DCAF1: variants seen among roughly 807,000 people sequenced by gnomAD.
DCAF1 encodes DDB1- and CUL4-associated factor 1.
DCAF1 carries 15 observed loss-of-function variants against 128.0 expected under a neutral mutation model. The observed-to-expected ratio is 0.12, with a 90% CI of 0.08 to 0.18. The LOEUF is 0.18. Ranked by LOEUF, DCAF1 falls within the 10% of genes least tolerant of loss-of-function variation. The pLI, the probability that DCAF1 is intolerant of heterozygous loss-of-function variation, is 1.00. For synonymous variants in DCAF1, 610 were observed against 603.0 expected (o/e 1.01, Z -0.17); for missense variants, 988 against 1,649.5 (o/e 0.60, Z 6.95).
chr3:51,400,913 A>G (rs964570524), intron 24 of DCAF1, among the ~76,000 whole-genome samples: 12 of 152,074 alleles, frequency 7.9e-5, no homozygotes, highest in Admixed American at 2.0e-4. Context: ...CAGGCGGATC[A>G]CGACGTCAGG....
chr3:51,439,877 C>T lies in DCAF1; in HGVS notation c.1128+1093G>A, dbSNP rs781830016. On this transcript the variant is annotated intron_variant, in intron 9 of 24. Transcript: ENST00000684031. Reference sequence around the variant, plus strand: ...GCATGGTGGCAGGCACCTGTAATCCCAGCTACTCAGGAGGCTGAGGCAGGA... The same window carrying T: ...GCATGGTGGCAGGCACCTGTAATCCTAGCTACTCAGGAGGCTGAGGCAGGA... Among the ~76,000 whole-genome samples the T allele has an allele frequency of 2.6e-5, 4 of 151,972 alleles. No homozygotes were observed. The East Asian group carries it at 5.8e-4, about 22-fold the overall frequency.
intron 10 of DCAF1, among the ~76,000 whole-genome samples, chr3:51,432,029 T>C (rs1221560833): frequency 6.6e-6 from 1 of 150,378 alleles, no homozygotes; most frequent in Non-Finnish European, 1.5e-5. Flanking sequence ...TCCCAGCACT[T>C]TGGGAGGCCA....
At chr3:51,471,043 C>A in intron 3 of DCAF1, 38 bp from the exon 4 acceptor site, 1 of 1,475,134 alleles carries the variant, frequency 6.8e-7, no homozygotes, top group Non-Finnish European at 9.3e-7. Flanking sequence ...TCTGGACAAG[C>A]ATAAAAAAAT....
chr3:51,490,429 TCAA>T (rs1553657453), intron 2 of DCAF1, among the ~76,000 whole-genome samples: 1 of 152,024 alleles, frequency 6.6e-6, no homozygotes. Context: ...GGACCCTGTC[TCAA>T]CAACAACAAA....
chr3:51,413,890 C>T, intron 20 of DCAF1, 60 bp downstream of exon 20: 1 of 1,367,364 alleles, frequency 7.3e-7, no homozygotes, highest in African/African-American at 1.5e-5. Context: ...AAAGAAGTAT[C>T]AAATTAAGTG....
upstream of DCAF1, among the ~76,000 whole-genome samples, chr3:51,500,521 G>A (rs1708746500): frequency 6.6e-6 from 1 of 152,048 alleles, no homozygotes; most frequent in Non-Finnish European, 1.5e-5. Context: ...AAATCAGAAG[G>A]CACTGGTTGT....
At chr3:51,411,105 G>A (rs782717214) in intron 23 of DCAF1, among the ~76,000 whole-genome samples, 2 of 150,430 alleles carry the variant, frequency 1.3e-5, no homozygotes, top group Non-Finnish European at 1.5e-5. Context: ...AGGTTGCAGT[G>A]AGCCGAGATC....
intron 2 of DCAF1, among the ~76,000 whole-genome samples, chr3:51,485,524 C>A (rs1344345741): frequency 6.6e-6 from 1 of 152,192 alleles, no homozygotes; most frequent in Non-Finnish European, 1.5e-5. Context: ...CAGGTTATGG[C>A]ATCAACTTCT....
At chr3:51,497,761 C>A (rs782433974) in intron 1 of DCAF1, among the ~76,000 whole-genome samples, 2 of 151,926 alleles carry the variant, frequency 1.3e-5, no homozygotes, top group Non-Finnish European at 1.5e-5. Context: ...CCTGTGACTG[C>A]GGTCCTAGTT....
At chr3:51,433,896 C>A (rs1700593122) in intron 9 of DCAF1, among the ~76,000 whole-genome samples, 1 of 151,210 alleles carries the variant, frequency 6.6e-6, no homozygotes, top group Non-Finnish European at 1.5e-5. Context: ...GCCTGGCCAA[C>A]ATGGCGAAAT....
At chr3:51,397,221 GTCT>G (rs2089257735), downstream of DCAF1, 1 of 167,126 alleles carries the variant, frequency 6.0e-6, no homozygotes, top group African/African-American at 2.4e-5. Context: ...AGAGACTATG[GTCT>G]TCTATTTATT....
chr3:51,449,571 G>C (rs1553641016), intron 6 of DCAF1, among the ~76,000 whole-genome samples: 1 of 151,926 alleles, frequency 6.6e-6, no homozygotes, highest in Non-Finnish European at 1.5e-5. Flanking sequence ...AATCAAATTA[G>C]GAACTAGGCC....
intron 17 of DCAF1, 65 bp downstream of exon 17, chr3:51,418,051 C>T (rs1264165949): frequency 1.3e-6 from 2 of 1,539,546 alleles, no homozygotes; most frequent in Non-Finnish European, 8.8e-7. Context: ...GTCTAAGAAC[C>T]AAATGAAGGG....
intron 2 of DCAF1, 49 bp from the exon 3 acceptor site, chr3:51,483,885 A>T: frequency 7.8e-7 from 1 of 1,278,718 alleles, no homozygotes; most frequent in Non-Finnish European, 1.1e-6. Flanking sequence ...AAATGAACAC[A>T]AGCAAATAAA....
At position 51,420,612 on chromosome 3, in the gene DCAF1, G is replaced by A. The variant is rs370052105; in HGVS notation, c.2358C>T (p.Ile786=). ...GCACAGGCTCCTTCATCAGCTGCTGGATCTGGCAGCTGCTGAAAAGGGGCA... is the reference window on the plus strand; with the variant it reads ...GCACAGGCTCCTTCATCAGCTGCTGAATCTGGCAGCTGCTGAAAAGGGGCA... The part of the protein sequence containing the change: ...SKLPLFSSCQ[I]QQLMKEPVLQ... Residue 786 remains isoleucine (I), a synonymous_variant, in exon 15 of 25, where the codon ATC becomes ATT. Transcript: ENST00000684031. The surrounding 1 kb of genome is among the most constrained non-coding windows in gnomAD (Gnocchi z 6.5). 13 of 1,613,852 alleles carry A rather than the reference G, an allele frequency of 8.1e-6. No individual in the cohort carries two copies. In the African/African-American group the frequency reaches 1.1e-4, roughly 13 times the overall value.
At chr3:51,404,286 TTGC>T (rs2089950942) in intron 23 of DCAF1, among the ~76,000 whole-genome samples, 3 of 152,246 alleles carry the variant, frequency 2.0e-5, no homozygotes, top group African/African-American at 7.2e-5. Flanking sequence ...ACTGTCAGCC[TTGC>T]CAATAGCAAA....
chr3:51,401,774 GCTAA>G (rs2089718016), intron 24 of DCAF1, among the ~76,000 whole-genome samples: 1 of 152,170 alleles, frequency 6.6e-6, no homozygotes, highest in Admixed American at 6.5e-5. Flanking sequence ...AACCTGCCCT[GCTAA>G]CTACTTGTAA....
chr3:51,411,820 G>A (rs1354372980), intron 23 of DCAF1, among the ~76,000 whole-genome samples: 1 of 152,070 alleles, frequency 6.6e-6, no homozygotes, highest in African/African-American at 2.4e-5. Flanking sequence ...GAAAATCAGA[G>A]ATTGCCAGGA....
chr3:51,468,849 C>T lies in DCAF1; in HGVS notation c.188-1973G>A, dbSNP rs531011326. On this transcript the variant is annotated intron_variant, in intron 4 of 24. Coordinates refer to ENST00000684031, the MANE Select transcript of DCAF1 (RefSeq NM_001387579.1). ...CTTTCTCTGTCTCTCCCTTCTTCCT[C>T]GTTGCCATTTAATCCATCTCCAGGC... Among the ~76,000 whole-genome samples, 6 of 152,302 alleles carry T rather than the reference C, an allele frequency of 3.9e-5. No homozygotes were observed. The East Asian group carries it at 1.2e-3, about 29-fold the overall frequency.
Sources: allele counts gnomAD v4.1 joint callset (sites outside exome capture counted in the v4.1 genomes callset), GRCh38; gene constraint gnomAD v4.1.1; non-coding constraint Gnocchi (gnomAD v3.1); transcripts MANE v1.5; gene names NCBI Gene and HGNC (gene_info 2026-07-23, HGNC 2026-07-21).